Variants in TMC1 observed in about 807,000 individuals in gnomAD.
TMC1 encodes the protein transmembrane channel like 1.
A neutral mutation model predicts 105.8 loss-of-function variants in TMC1; 84 were observed. The ratio of observed to expected loss-of-function variants is 0.79; its 90% CI spans 0.67 to 0.95. The LOEUF is 0.95. Among genes scored for constraint, TMC1 ranks in the 40% least tolerant of loss-of-function variants. The pLI is 0.00. For synonymous variants in TMC1, 315 were observed against 311.5 expected (o/e 1.01, Z -0.12); for missense variants, 817 against 914.1 (o/e 0.89, Z 1.37).
intron 1 of TMC1, among the ~76,000 whole-genome samples, chr9:72,540,606 C>T (rs1184970947): frequency 6.6e-6 from 1 of 152,066 alleles, no homozygotes; most frequent in Non-Finnish European, 1.5e-5. Context: ...GCCTGTTTGT[C>T]TTTGCAATCT....
chr9:72,754,331 T>C (rs1383814529), intron 11 of TMC1, among the ~76,000 whole-genome samples: 4 of 152,172 alleles, frequency 2.6e-5, no homozygotes, highest in African/African-American at 9.7e-5. Flanking sequence ...ACAAATTACA[T>C]GATTGGATTT....
chr9:72,696,644 A>G lies in TMC1; in HGVS notation c.236+1930A>G, dbSNP rs193246065. Among the ~76,000 whole-genome samples the G allele has an allele frequency of 2.0e-5, 3 of 152,312 alleles. No individual in the cohort carries two copies. In the East Asian group the frequency reaches 5.8e-4, roughly 29 times the overall value. ...TGCATTGACACAACATTTGAAACCA[A>G]CTAAAACCAAGGTTGTAATGCTAAC... On this transcript the variant is annotated intron_variant, in intron 7 of 23. Transcript: ENST00000297784.
chr9:72,634,447 T>G lies in TMC1; in HGVS notation c.-53+6384T>G, dbSNP rs372807944. 1.4e-4 allele frequency among the ~76,000 whole-genome samples: 21 copies of G among 152,304 alleles called. No individual in the cohort carries two copies. The South Asian group carries it at 4.4e-3, about 32-fold the overall frequency. ...ATTACACCTACATCTTAGCAGAATT[T>G]AAGTTCTTCTCATAAGCCCAACCTT... is the stretch of plus-strand genomic sequence containing the variant. On this transcript the variant is annotated intron_variant, in intron 4 of 23. Transcript: ENST00000297784.
At chr9:72,700,356 A>C (rs1419021130) in intron 7 of TMC1, among the ~76,000 whole-genome samples, 162 bp from the exon 8 acceptor site, 2 of 152,110 alleles carry the variant, frequency 1.3e-5, no homozygotes, top group Non-Finnish European at 2.9e-5. Flanking sequence ...GTAATCCTGC[A>C]TCAGTGTTCA....
At chr9:72,634,758 G>C (rs1053433024) in intron 4 of TMC1, among the ~76,000 whole-genome samples, 14 of 152,188 alleles carry the variant, frequency 9.2e-5, no homozygotes, top group Admixed American at 1.3e-4. Context: ...TTGACCATTT[G>C]CTAGAATGGT....
At chr9:72,664,415 C>T (rs1826011713) in intron 5 of TMC1, among the ~76,000 whole-genome samples, 1 of 152,178 alleles carries the variant, frequency 6.6e-6, no homozygotes, top group Non-Finnish European at 1.5e-5. Context: ...GCCTGGAAAC[C>T]TGCAGTCCTA....
chr9:72,564,821 G>C (rs1221851398), intron 1 of TMC1, among the ~76,000 whole-genome samples: 3 of 152,312 alleles, frequency 2.0e-5, no homozygotes, highest in South Asian at 4.1e-4. Context: ...GTTCCTGACT[G>C]TGCCACTTTG....
intron 17 of TMC1, among the ~76,000 whole-genome samples, chr9:72,794,067 G>A (rs138705873): frequency 6.6e-6 from 1 of 152,208 alleles, no homozygotes; most frequent in Non-Finnish European, 1.5e-5. Context: ...GTCTCTCACA[G>A]GTCCTACCTA....
chr9:72,717,735 C>T (rs142665478), intron 8 of TMC1, among the ~76,000 whole-genome samples: 1 of 152,246 alleles, frequency 6.6e-6, no homozygotes, highest in African/African-American at 2.4e-5. Context: ...ATTTTTCCCT[C>T]TGTCTTGACT....
Position 72,835,961 on chromosome 9 carries a change from TGGTC to T in TMC1, c.2273_2276del (p.Gly758AlafsTer42). ...CTGTTTTGTGAACAGCTGCAGCTGCTGGTCGCCAGTAATAAGTATCCTGAGAGCC... is the reference window on the plus strand; with the variant it reads ...CTGTTTTGTGAACAGCTGCAGCTGCTGCCAGTAATAAGTATCCTGAGAGCC... On this transcript the variant is annotated frameshift_variant, in exon 24 of 24. Coordinates refer to ENST00000297784, the MANE Select transcript of TMC1 (RefSeq NM_138691.3). LOFTEE classifies it high-confidence loss of function. 1 of 1,509,974 alleles carries T rather than the reference TGGTC, an allele frequency of 6.6e-7. No homozygotes were observed. Among genetic ancestry groups the T allele is most frequent in the Non-Finnish European group, 9.1e-7 (1 of 1,100,390 alleles). 93.5% of individuals were successfully genotyped at this position (1,509,974 alleles called of 1,614,324 possible). A position where few individuals can be genotyped will look rare whatever the true frequency, so the allele number is the denominator to read the frequency against.
At chr9:72,616,054 C>A (rs941177858) in intron 2 of TMC1, among the ~76,000 whole-genome samples, 2 of 152,030 alleles carry the variant, frequency 1.3e-5, no homozygotes, top group Admixed American at 6.6e-5. Context: ...GCTATTGACC[C>A]CATTTGTTGA....
chr9:72,595,404 A>G (rs1035571242), intron 2 of TMC1, among the ~76,000 whole-genome samples: 6 of 152,198 alleles, frequency 3.9e-5, no homozygotes, highest in Non-Finnish European at 8.8e-5. Flanking sequence ...ATAACATGGA[A>G]CATAATCACT....
At position 72,532,498 on chromosome 9, in the gene TMC1, G is replaced by A. The variant is rs571970904; in HGVS notation, c.-428+10585G>A. 1.3e-3 allele frequency among the ~76,000 whole-genome samples: 165 copies of A among 124,432 alleles called. 1 individual carries two copies. The Middle Eastern group carries it at 0.046, about 35-fold the overall frequency. 81.6% of individuals were successfully genotyped at this position (124,432 alleles called of 152,430 possible). On this transcript the variant is annotated intron_variant, in intron 1 of 23. Coordinates refer to ENST00000297784, the MANE Select transcript of TMC1 (RefSeq NM_138691.3). Reference sequence around the variant, plus strand: ...AGAGGTTGCAGTGAGCCGAGATCGTGCCACTGTACTCCAGCCTGGACAACA... The same window carrying A: ...AGAGGTTGCAGTGAGCCGAGATCGTACCACTGTACTCCAGCCTGGACAACA...
Position 72,751,927 on chromosome 9 carries a change from C to G in TMC1, c.613C>G (p.Leu205Val). The G allele has an allele frequency of 6.2e-7, 1 of 1,612,958 alleles. No homozygotes were observed. Among genetic ancestry groups the G allele is most frequent in the Non-Finnish European group, 8.5e-7 (1 of 1,179,126 alleles). ...MYGVNMVLFI[L>V]TFSLIMLPEY... is the part of the protein sequence containing the mutation. ...TGGAGTCAATATGGTTCTCTTTATC[C>G]TGACATTTAGCCTCATCATGTTGCC... The change falls in exon 11 of 24, where the codon CTG (leucine) becomes GTG (valine). Residue 205 changes from leucine (L) to valine (V), a missense_variant. Leu to Val is a conservative substitution (Grantham distance 32, BLOSUM62 1). Transcript: ENST00000297784.
chr9:72,662,889 T>A (rs1465574704), intron 5 of TMC1, among the ~76,000 whole-genome samples: 2 of 152,338 alleles, frequency 1.3e-5, no homozygotes, highest in East Asian at 1.9e-4. Flanking sequence ...CAACAAGAGT[T>A]AAGACTTAAT....
At chr9:72,787,674 C>T (rs975187770) in intron 13 of TMC1, among the ~76,000 whole-genome samples, 3 of 150,160 alleles carry the variant, frequency 2.0e-5, no homozygotes, top group Admixed American at 6.6e-5. Flanking sequence ...CATATATATA[C>T]ACACACACAC....
chr9:72,824,154 G>C (rs533944661), intron 20 of TMC1, among the ~76,000 whole-genome samples: 8 of 152,350 alleles, frequency 5.3e-5, no homozygotes, highest in African/African-American at 1.9e-4. Flanking sequence ...CTCCATGTGG[G>C]GCCCGTGGCC....
At chr9:72,561,344 AG>A (rs1451599322) in intron 1 of TMC1, among the ~76,000 whole-genome samples, 36 of 143,844 alleles carry the variant, frequency 2.5e-4, no homozygotes, top group African/African-American at 7.4e-4. Flanking sequence ...AAAAAAAGAG[AG>A]AGAGAAAATA....
intron 2 of TMC1, among the ~76,000 whole-genome samples, chr9:72,609,776 T>A (rs1458537890): frequency 6.6e-6 from 1 of 152,090 alleles, no homozygotes; most frequent in Non-Finnish European, 1.5e-5. Flanking sequence ...TTCAAGCACT[T>A]CCTTTTTACA....
Sources: allele counts gnomAD v4.1 joint callset (sites outside exome capture counted in the v4.1 genomes callset), GRCh38; gene constraint gnomAD v4.1.1; transcripts MANE v1.5; gene names NCBI Gene and HGNC (gene_info 2026-07-23, HGNC 2026-07-21).